ZNF695: variants seen among roughly 807,000 people sequenced by gnomAD.
The protein encoded by ZNF695 is zinc finger protein SBZF3.
In ZNF695, 11 loss-of-function variants were observed where a neutral mutation model predicts 11.2. The ratio of observed to expected loss-of-function variants is 0.98; its 90% CI spans 0.62 to 1.62. The LOEUF (loss-of-function observed/expected upper bound fraction) is 1.62, where lower values mean the gene tolerates loss of function less well. Ranked by LOEUF, ZNF695 falls within the 40% of genes most tolerant of loss-of-function variation. The pLI is 0.00. For missense variants in ZNF695, 559 were observed against 590.5 expected (o/e 0.95, Z 0.55); for synonymous variants, 190 against 201.4 (o/e 0.94, Z 0.48).
intron 1 of ZNF695, among the ~76,000 whole-genome samples, chr1:247,002,720 T>G (rs1377323179): frequency 2.6e-5 from 4 of 151,408 alleles, no homozygotes; most frequent in Non-Finnish European, 2.9e-5. Context: ...GGGGCAGAGG[T>G]TGCGGTGAGC....
intron 3 of ZNF695, among the ~76,000 whole-genome samples, chr1:246,991,836 A>G (rs1165481800): frequency 6.6e-6 from 1 of 152,216 alleles, no homozygotes; most frequent in Non-Finnish European, 1.5e-5. Flanking sequence ...TTCCAGCACT[A>G]TTCACAACAG....
rs1290642154 is a variant in ZNF695 at position 246,945,858 on chromosome 1, A to G, written c.489-31T>C. Reference sequence around the variant, plus strand: ...AAAAAGAAAGAAAGAAAAGCAGCTTAAGGTTCCGAGTAGCTCCTTGGGATA... The same window carrying G: ...AAAAAGAAAGAAAGAAAAGCAGCTTGAGGTTCCGAGTAGCTCCTTGGGATA... On this transcript the variant is annotated intron_variant, in intron 5 of 5. Transcript: ENST00000487338. 9 of 1,549,722 alleles carry G rather than the reference A, an allele frequency of 5.8e-6. No individual in the cohort carries two copies. The South Asian group carries it at 5.9e-5, about 10-fold the overall frequency.
chr1:246,950,365 C>A (rs1046379667), intron 5 of ZNF695, among the ~76,000 whole-genome samples: 1 of 151,964 alleles, frequency 6.6e-6, no homozygotes, highest in Admixed American at 6.6e-5. Context: ...AATAATCCAC[C>A]CAGGCCAGGG....
At chr1:246,962,195 C>A (rs979470878) in intron 5 of ZNF695, among the ~76,000 whole-genome samples, 3 of 152,226 alleles carry the variant, frequency 2.0e-5, no homozygotes, top group African/African-American at 7.2e-5. Context: ...ACTAGTGGGG[C>A]TCAGGTCAGA....
At chr1:246,961,604 C>G (rs1668165635) in intron 5 of ZNF695, among the ~76,000 whole-genome samples, 1 of 152,222 alleles carries the variant, frequency 6.6e-6, no homozygotes, top group African/African-American at 2.4e-5. Context: ...CCCATTCACT[C>G]TACTGAATTC....
intron 3 of ZNF695, among the ~76,000 whole-genome samples, chr1:246,989,994 C>T (rs1668978748): frequency 7.5e-6 from 1 of 133,188 alleles, no homozygotes; most frequent in Admixed American, 8.6e-5. Flanking sequence ...CAGTGAGACC[C>T]CATCTTGAAA....
chr1:247,007,293 C>A (rs1259166374), intron 1 of ZNF695, among the ~76,000 whole-genome samples: 1 of 151,614 alleles, frequency 6.6e-6, no homozygotes, highest in Non-Finnish European at 1.5e-5. Context: ...ATCACGAGGT[C>A]AAGAGATCGA....
At chr1:246,963,000 G>A (rs1668200893) in intron 5 of ZNF695, among the ~76,000 whole-genome samples, 1 of 152,012 alleles carries the variant, frequency 6.6e-6, no homozygotes, top group Non-Finnish European at 1.5e-5. Context: ...ACGATTCCTC[G>A]CTGCCTTTAG....
intron 5 of ZNF695, among the ~76,000 whole-genome samples, chr1:246,955,044 A>T (rs574867065): frequency 6.6e-6 from 1 of 152,238 alleles, no homozygotes; most frequent in South Asian, 2.1e-4. Context: ...TAATTGAATC[A>T]TAGGGGGAGT....
chr1:247,003,476 T>C (rs1291624821), intron 1 of ZNF695, among the ~76,000 whole-genome samples: 1 of 152,208 alleles, frequency 6.6e-6, no homozygotes, highest in African/African-American at 2.4e-5. Context: ...GAGTAGAAAC[T>C]ACCTGTTGGA....
At chr1:246,958,826 G>A (rs1428736741) in intron 5 of ZNF695, among the ~76,000 whole-genome samples, 1 of 152,110 alleles carries the variant, frequency 6.6e-6, no homozygotes, top group Non-Finnish European at 1.5e-5. Context: ...TAACACGCGG[G>A]GACAGTGAAG....
At chr1:246,956,565 G>A (rs1223345199) in intron 5 of ZNF695, among the ~76,000 whole-genome samples, 5 of 152,066 alleles carry the variant, frequency 3.3e-5, no homozygotes, top group South Asian at 2.1e-4. Flanking sequence ...GCAGTGAGCC[G>A]AGATTGTGCC....
intron 5 of ZNF695, among the ~76,000 whole-genome samples, chr1:246,948,933 A>G (rs1275831701): frequency 5.3e-5 from 8 of 152,228 alleles, no homozygotes; most frequent in Non-Finnish European, 2.9e-5. Flanking sequence ...GAACGAAATT[A>G]CATACCCTAT....
downstream of ZNF695, among the ~76,000 whole-genome samples, chr1:246,981,374 T>C (rs567982303): frequency 6.6e-5 from 10 of 152,346 alleles, no homozygotes; most frequent in African/African-American, 2.2e-4. Flanking sequence ...AATTTTACTA[T>C]TGGATATATA....
At chr1:247,001,502 A>G (rs1026861697) in intron 1 of ZNF695, among the ~76,000 whole-genome samples, 1 of 151,986 alleles carries the variant, frequency 6.6e-6, no homozygotes, top group East Asian at 1.9e-4. Context: ...ACTTGAGGTC[A>G]GGAGTTTGAG....
At chr1:246,980,455 C>T (rs1298931253), downstream of ZNF695, among the ~76,000 whole-genome samples, 3 of 147,166 alleles carry the variant, frequency 2.0e-5, no homozygotes, top group South Asian at 2.1e-4. Context: ...CTTACTCTGT[C>T]GCTCAGACTG....
At chr1:246,972,047 C>T (rs971178279) in intron 4 of ZNF695, among the ~76,000 whole-genome samples, 1 of 152,180 alleles carries the variant, frequency 6.6e-6, no homozygotes, top group African/African-American at 2.4e-5. Flanking sequence ...AGACAACTTG[C>T]CCCTGAGGGC....
chr1:246,984,731 T>C (rs1668803679), downstream of ZNF695, among the ~76,000 whole-genome samples: 1 of 152,230 alleles, frequency 6.6e-6, no homozygotes, highest in African/African-American at 2.4e-5. Flanking sequence ...TCTCTAATAA[T>C]GGAAAAATGG....
In ZNF695 at chr1:247,005,696, A is replaced by G. The variant is rs76942648; in HGVS notation, c.3+2210T>C. Among the ~76,000 whole-genome samples the G allele has an allele frequency of 5.7e-4, 87 of 152,184 alleles. No individual in the cohort carries two copies. In the East Asian group the frequency reaches 7.7e-3, roughly 14 times the overall value. On this transcript the variant is annotated intron_variant, in intron 1 of 3. Transcript: ENST00000339986. ...AAACAAAACAAAACAAACAAACAAAAAAAACGATAAAAAACAACAACAAAA... is the reference window on the plus strand; with the variant it reads ...AAACAAAACAAAACAAACAAACAAAGAAAACGATAAAAAACAACAACAAAA...
Sources: allele counts gnomAD v4.1 joint callset (sites outside exome capture counted in the v4.1 genomes callset), GRCh38; gene constraint gnomAD v4.1.1; transcripts MANE v1.5; gene names NCBI Gene and HGNC (gene_info 2026-07-23, HGNC 2026-07-21).